BCL7C: variants seen among roughly 807,000 people sequenced by gnomAD.
BCL7C encodes BAF chromatin remodeling complex subunit BCL7C, also known as B-cell CLL/lymphoma 7 protein family member C.
Under a neutral mutation model 26.2 loss-of-function variants are expected in BCL7C, and 8 were observed. The observed-to-expected ratio is 0.30, with a 90% CI of 0.18 to 0.55. The LOEUF is 0.55. Among genes scored for constraint, BCL7C ranks in the 20% least tolerant of loss-of-function variants. The pLI is 0.93. For synonymous variants in BCL7C, 90 were observed against 116.5 expected (o/e 0.77, Z 1.47); for missense variants, 262 against 298.5 (o/e 0.88, Z 0.90).
chr16:30,872,708 C>G (rs1388147680), intron 5 of BCL7C, among the ~76,000 whole-genome samples: 4 of 152,092 alleles, frequency 2.6e-5, no homozygotes, highest in Admixed American at 6.6e-5. Flanking sequence ...CTAGTCCATT[C>G]CCCACCCCCT....
chr16:30,833,649 A>G (rs776492754), exon 6 of BCL7C: 2 of 152,138 alleles, frequency 1.3e-5, no homozygotes, highest in African/African-American at 4.8e-5. Flanking sequence ...TCCTTCACCA[A>G]CATCACCCTG....
intron 5 of BCL7C, among the ~76,000 whole-genome samples, chr16:30,882,184 A>G (rs2055054128): frequency 1.3e-5 from 2 of 152,002 alleles, no homozygotes; most frequent in South Asian, 4.1e-4. Context: ...GCCGGTTTTG[A>G]ACTCCTGACC....
At chr16:30,850,135 A>G (rs930745632) in intron 5 of BCL7C, among the ~76,000 whole-genome samples, 2 of 150,204 alleles carry the variant, frequency 1.3e-5, no homozygotes, top group East Asian at 2.0e-4. Context: ...GCGTGAACCC[A>G]GGAGGCAGAG....
downstream of BCL7C, chr16:30,887,662 A>T (rs2055155091): frequency 3.7e-6 from 3 of 804,098 alleles, no homozygotes; most frequent in Non-Finnish European, 5.5e-6. Flanking sequence ...CCCCCACCCC[A>T]CTCTGCCTTG....
chr16:30,848,222 T>C (rs997054381), intron 5 of BCL7C, among the ~76,000 whole-genome samples: 1 of 152,190 alleles, frequency 6.6e-6, no homozygotes, highest in African/African-American at 2.4e-5. Flanking sequence ...AGACTGCGTT[T>C]ATCATGTGTA....
chr16:30,874,714 G>T (rs2054920747), intron 5 of BCL7C, among the ~76,000 whole-genome samples: 1 of 152,190 alleles, frequency 6.6e-6, no homozygotes, highest in Non-Finnish European at 1.5e-5. Flanking sequence ...TGAACCATTC[G>T]GAGGAAGCTT....
intron 5 of BCL7C, among the ~76,000 whole-genome samples, chr16:30,856,976 C>A (rs2054728046): frequency 6.6e-6 from 1 of 152,150 alleles, no homozygotes; most frequent in Non-Finnish European, 1.5e-5. Flanking sequence ...ACTGGTATTA[C>A]CACCCCAGGC....
chr16:30,892,872 C>A lies in BCL7C; in HGVS notation c.248G>T (p.Gly83Val). ...ERRGRGASPR[G>V]GGPLILLDLN... ...ATCCAGCAGGATGAGAGGGCCACCC[C>A]CTCGGGGACTGGCGCCCCTGCCCCG... The change falls in exon 3 of 6, where the codon GGG (glycine) becomes GTG (valine). Residue 83 changes from glycine (G) to valine (V), a missense_variant. Physicochemically the swap from Gly to Val is moderately radical, Grantham distance 109. Coordinates refer to ENST00000215115, the MANE Select transcript of BCL7C (RefSeq NM_004765.4). 1 of 1,613,098 alleles carries A rather than the reference C, an allele frequency of 6.2e-7. No individual in the cohort carries two copies. Among genetic ancestry groups the A allele is most frequent in the South Asian group, 1.1e-5 (1 of 91,074 alleles).
chr16:30,860,740 C>T (rs955158579), intron 5 of BCL7C, among the ~76,000 whole-genome samples: 1 of 152,100 alleles, frequency 6.6e-6, no homozygotes, highest in Non-Finnish European at 1.5e-5. Flanking sequence ...CAATGTGACT[C>T]GTCCCAAATC....
intron 5 of BCL7C, among the ~76,000 whole-genome samples, chr16:30,854,447 A>G (rs1449723895): frequency 1.3e-5 from 2 of 152,134 alleles, no homozygotes; most frequent in African/African-American, 4.8e-5. Flanking sequence ...CAGATCACAG[A>G]GGGTTTCAAT....
At chr16:30,886,994 G>A (rs964369581), downstream of BCL7C, among the ~76,000 whole-genome samples, 4 of 151,836 alleles carry the variant, frequency 2.6e-5, no homozygotes, top group Non-Finnish European at 4.4e-5. Flanking sequence ...GCAATGTAGC[G>A]AGACCCCATG....
Position 30,893,716 on chromosome 16 carries a change from C to T in BCL7C, c.92+137G>A. 1 of 724,166 alleles carries T rather than the reference C, an allele frequency of 1.4e-6. No individual in the cohort carries two copies. The highest frequency in any genetic ancestry group is 1.5e-5 in the South Asian group (1 of 65,344). 44.9% of individuals were successfully genotyped at this position (724,166 alleles called of 1,614,324 possible). On this transcript the variant is annotated intron_variant, in intron 1 of 5. Transcript: ENST00000215115. The surrounding 1 kb of genome is among the most constrained non-coding windows in gnomAD (Gnocchi z 5.2). ...AGTAGCCAGGCGAACGGGGACAGAGCCCTGTGGATCCAGGGCAAAGCTAGT... is the reference window on the plus strand; with the variant it reads ...AGTAGCCAGGCGAACGGGGACAGAGTCCTGTGGATCCAGGGCAAAGCTAGT...
At chr16:30,891,424 C>T (rs1479945351) in intron 4 of BCL7C, among the ~76,000 whole-genome samples, 5 of 151,946 alleles carry the variant, frequency 3.3e-5, no homozygotes, top group South Asian at 2.1e-4. Context: ...ATTGTGCCGT[C>T]GCACTCCAGC....
chr16:30,870,019 A>T (rs1217125386), intron 5 of BCL7C, among the ~76,000 whole-genome samples: 2 of 152,216 alleles, frequency 1.3e-5, no homozygotes, highest in South Asian at 2.1e-4. Context: ...ACATGCATCT[A>T]TCCATCTATC....
downstream of BCL7C, among the ~76,000 whole-genome samples, chr16:30,883,540 T>C (rs2055075339): frequency 6.9e-5 from 6 of 86,410 alleles, no homozygotes; most frequent in African/African-American, 5.8e-4. Flanking sequence ...AACTGGCTTT[T>C]TTTTTTTTTT....
At chr16:30,862,876 T>G (rs971019020) in intron 5 of BCL7C, among the ~76,000 whole-genome samples, 1 of 152,118 alleles carries the variant, frequency 6.6e-6, no homozygotes, top group African/African-American at 2.4e-5. Flanking sequence ...CCACTCCTCT[T>G]TCCATTCCTT....
At chr16:30,888,614 C>T (rs1405671574) in intron 5 of BCL7C, 8 of 334,640 alleles carry the variant, frequency 2.4e-5, no homozygotes, top group Non-Finnish European at 4.4e-5. Context: ...GGATTACAGG[C>T]GTGAGCCACC....
At chr16:30,854,198 A>AAGC (rs2054699937) in intron 5 of BCL7C, among the ~76,000 whole-genome samples, 1 of 152,238 alleles carries the variant, frequency 6.6e-6, no homozygotes, top group Non-Finnish European at 1.5e-5. Flanking sequence ...AACACCACTT[A>AAGC]GATATTGGGA....
chr16:30,890,272 G>A (rs1026375657), intron 4 of BCL7C, among the ~76,000 whole-genome samples: 4 of 152,116 alleles, frequency 2.6e-5, no homozygotes, highest in African/African-American at 9.7e-5. Context: ...TGTGCAGCCT[G>A]TAATCCCAGC....
Sources: allele counts gnomAD v4.1 joint callset (sites outside exome capture counted in the v4.1 genomes callset), GRCh38; gene constraint gnomAD v4.1.1; non-coding constraint Gnocchi (gnomAD v3.1); transcripts MANE v1.5; gene names NCBI Gene and HGNC (gene_info 2026-07-23, HGNC 2026-07-21).